The following NUDCD3 variants were observed in gnomAD, a reference collection of about 807,000 sequenced individuals.
The protein encoded by NUDCD3 is nudC domain-containing protein 3.
NUDCD3 carries 13 observed loss-of-function variants against 39.7 expected under a neutral mutation model. The ratio of observed to expected loss-of-function variants is 0.33; its 90% CI spans 0.21 to 0.52. NUDCD3 has a LOEUF of 0.52. Ranked by LOEUF, NUDCD3 falls within the 20% of genes least tolerant of loss-of-function variation. The pLI is 0.96. For synonymous variants in NUDCD3, 175 were observed against 172.4 expected (o/e 1.02, Z -0.12); for missense variants, 453 against 458.1 (o/e 0.99, Z 0.10).
chr7:44,392,471 C>T lies in NUDCD3; in HGVS notation c.801G>A (p.Lys267=). The change falls in exon 5 of 6, where the codon AAG becomes AAA. Residue 267 remains lysine (K), a synonymous_variant. Coordinates refer to ENST00000355451, the MANE Select transcript of NUDCD3 (RefSeq NM_015332.4). ...PGKCVLVNLS[K]VGEYWWNAIL... ...TGGCGTTCCACCAATACTCGCCCAC[C>T]TTGCTCAGGTTCACCTGGGGACAAG... is the stretch of plus-strand genomic sequence containing the variant. 1 of 1,614,022 alleles carries T rather than the reference C, an allele frequency of 6.2e-7. No individual in the cohort carries two copies. The highest frequency in any genetic ancestry group is 8.5e-7 in the Non-Finnish European group (1 of 1,179,926).
At chr7:44,473,417 C>A (rs967987792) in intron 2 of NUDCD3, among the ~76,000 whole-genome samples, 1 of 152,116 alleles carries the variant, frequency 6.6e-6, no homozygotes, top group Non-Finnish European at 1.5e-5. Flanking sequence ...AACAGAACGG[C>A]CTCAAAGAGT....
At chr7:44,410,581 G>A (rs531985755) in intron 3 of NUDCD3, among the ~76,000 whole-genome samples, 1 of 151,176 alleles carries the variant, frequency 6.6e-6, no homozygotes, top group African/African-American at 2.4e-5. Flanking sequence ...GGAGAATGGT[G>A]TGAACCCAGG....
At chr7:44,439,863 C>G (rs1446682923) in intron 2 of NUDCD3, among the ~76,000 whole-genome samples, 1 of 151,792 alleles carries the variant, frequency 6.6e-6, no homozygotes, top group African/African-American at 2.4e-5. Flanking sequence ...GCCATTAAAA[C>G]ATAATTGCCA....
Position 44,385,624 on chromosome 7 carries a change from C to T in NUDCD3, c.*387G>A, listed in dbSNP as rs1447230850. On this transcript the variant is annotated 3_prime_UTR_variant, in exon 6 of 6. Coordinates refer to ENST00000355451, the MANE Select transcript of NUDCD3 (RefSeq NM_015332.4). ...GCCTGAGAGTCCAGCAACAACTCCACATCCCAACCAGAAGACATGCAAGCA... is the reference window on the plus strand; with the variant it reads ...GCCTGAGAGTCCAGCAACAACTCCATATCCCAACCAGAAGACATGCAAGCA... 2 of 202,182 alleles carry T rather than the reference C, an allele frequency of 9.9e-6. No homozygotes were observed. Among genetic ancestry groups the T allele is most frequent in the Non-Finnish European group, 2.0e-5 (2 of 100,420 alleles). 12.5% of individuals were successfully genotyped at this position (202,182 alleles called of 1,614,324 possible). A position where few individuals can be genotyped will look rare whatever the true frequency, so the allele number is the denominator to read the frequency against.
chr7:44,455,178 CA>C (rs1014828492), intron 2 of NUDCD3, among the ~76,000 whole-genome samples: 4 of 151,950 alleles, frequency 2.6e-5, no homozygotes, highest in African/African-American at 9.7e-5. Context: ...TTCTCTTCCC[CA>C]AATTTCAGAC....
At chr7:44,401,417 ACT>A (rs1352516104) in intron 4 of NUDCD3, among the ~76,000 whole-genome samples, 1 of 152,174 alleles carries the variant, frequency 6.6e-6, no homozygotes, top group African/African-American at 2.4e-5. Flanking sequence ...TCTGTGATAT[ACT>A]CTGTGTTTAC....
In NUDCD3 at chr7:44,490,306, G is replaced by A; in HGVS notation, c.192+103C>T. ...TCACAAGCTCAACCCCAGGACACCA[G>A]GAAAAGGAGGAAACAGGCTGGGAGA... is the stretch of plus-strand genomic sequence containing the variant. On this transcript the variant is annotated intron_variant, in intron 1 of 5. Coordinates refer to ENST00000355451, the MANE Select transcript of NUDCD3 (RefSeq NM_015332.4). The A allele has an allele frequency of 2.6e-6, 3 of 1,167,826 alleles. No individual in the cohort carries two copies. The South Asian group carries it at 4.9e-5, about 19-fold the overall frequency. The allele number at this position is 1,167,826 out of a possible 1,614,324, so 72.3% of individuals were successfully genotyped here. A position where few individuals can be genotyped will look rare whatever the true frequency, so the allele number is the denominator to read the frequency against.
rs1177594139 is a variant in NUDCD3, at chr7:44,382,227, C to T, written c.*3784G>A. The T allele has an allele frequency of 6.6e-6, 1 of 152,074 alleles. No homozygotes were observed. The highest frequency in any genetic ancestry group is 1.5e-5 in the Non-Finnish European group (1 of 68,020). 9.4% of individuals were successfully genotyped at this position (152,074 alleles called of 1,614,324 possible). A position where few individuals can be genotyped will look rare whatever the true frequency, so the allele number is the denominator to read the frequency against. The stretch of plus-strand genomic sequence containing the variant: ...TGGGAGGAAGGTGAGGACTGAAAAA[C>T]TACATATCAGGTATCATGCTGATTA... On this transcript the variant is annotated 3_prime_UTR_variant, in exon 6 of 6. Coordinates refer to ENST00000355451, the MANE Select transcript of NUDCD3 (RefSeq NM_015332.4).
Position 44,488,216 on chromosome 7 carries a change from T to G in NUDCD3, c.192+2193A>C, listed in dbSNP as rs1032604985. 3.4e-5 allele frequency among the ~76,000 whole-genome samples: 5 copies of G among 146,706 alleles called. No homozygotes were observed. The East Asian group carries it at 1.1e-3, about 31-fold the overall frequency. ...CGGGCGTGGTGGCGCACACCTGCAG[T>G]CCCAGCTACTCGAGAGGCTGAGGCA... On this transcript the variant is annotated intron_variant, in intron 1 of 5. Transcript: ENST00000355451.
At chr7:44,412,471 G>A (rs1010064064) in intron 3 of NUDCD3, among the ~76,000 whole-genome samples, 9 of 152,078 alleles carry the variant, frequency 5.9e-5, no homozygotes, top group East Asian at 1.9e-4. Flanking sequence ...ATTTTAGAAC[G>A]CCTGTATCTA....
At chr7:44,457,490 A>C (rs1799926486) in intron 2 of NUDCD3, among the ~76,000 whole-genome samples, 1 of 152,234 alleles carries the variant, frequency 6.6e-6, no homozygotes, top group African/African-American at 2.4e-5. Flanking sequence ...ACTATACAAA[A>C]ATCTATTGTA....
intron 2 of NUDCD3, among the ~76,000 whole-genome samples, chr7:44,461,734 G>C (rs1293222413): frequency 6.6e-6 from 1 of 152,152 alleles, no homozygotes; most frequent in Non-Finnish European, 1.5e-5. Context: ...CAAAGAAACA[G>C]AAAGTTTGGG....
intron 3 of NUDCD3, among the ~76,000 whole-genome samples, chr7:44,421,115 C>T (rs547281737): frequency 2.0e-5 from 3 of 152,098 alleles, no homozygotes; most frequent in Admixed American, 6.5e-5. Flanking sequence ...GGGTGGATCA[C>T]GAGGTCAGGA....
chr7:44,454,366 C>T (rs1454343924), intron 2 of NUDCD3, among the ~76,000 whole-genome samples: 1 of 151,978 alleles, frequency 6.6e-6, no homozygotes, highest in Non-Finnish European at 1.5e-5. Context: ...AATAAAAACT[C>T]CCATGTCAAA....
At chr7:44,386,192 G>C in intron 5 of NUDCD3, 71 bp from the exon 6 acceptor site, 1 of 1,527,734 alleles carries the variant, frequency 6.5e-7, no homozygotes, top group Non-Finnish European at 9.0e-7. Context: ...AGCAGACTCT[G>C]ACTGCAGGTA....
At chr7:44,458,936 C>CTG (rs55947411) in intron 2 of NUDCD3, among the ~76,000 whole-genome samples, 11,993 of 115,494 alleles carry the variant, frequency 0.1, 600 homozygotes, top group African/African-American at 0.14. Flanking sequence ...ACGGGGAGTG[C>CTG]TGTGTGTGTG....
intron 2 of NUDCD3, chr7:44,468,349 CAAAAAAAAAAA>C (rs77181470): frequency 6.0e-5 from 23 of 381,112 alleles, no homozygotes; most frequent in East Asian, 3.3e-4. Context: ...GTAAAAACTG[CAAAAAAAAAAA>C]AAAAAAAAAA....
chr7:44,392,312 T>C lies in NUDCD3; in HGVS notation c.960A>G (p.Pro320=). ...ATGCTCGTACCAGCTCATGGCTCTG[T>C]GGCTTGCCCTGCAGCTTCTGGTGGT... ...FDYHQKLQGK[P]QSHELKVHEM... The change falls in exon 5 of 6, where the codon CCA becomes CCG. Residue 320 remains proline (P), a synonymous_variant. Coordinates refer to ENST00000355451, the MANE Select transcript of NUDCD3 (RefSeq NM_015332.4). 1.2e-6 allele frequency: 2 copies of C among 1,614,034 alleles called. No homozygotes were observed. Among genetic ancestry groups the C allele is most frequent in the South Asian group, 1.1e-5 (1 of 91,070 alleles).
intron 3 of NUDCD3, among the ~76,000 whole-genome samples, chr7:44,417,760 GGAA>G (rs761941182): frequency 5.3e-5 from 8 of 152,190 alleles, no homozygotes; most frequent in Non-Finnish European, 8.8e-5. Flanking sequence ...AAAACAGACA[GGAA>G]GTAGTCATTT....
Sources: allele counts gnomAD v4.1 joint callset (sites outside exome capture counted in the v4.1 genomes callset), GRCh38; gene constraint gnomAD v4.1.1; transcripts MANE v1.5; gene names NCBI Gene and HGNC (gene_info 2026-07-23, HGNC 2026-07-21).